The following TMCO5A variants were observed in gnomAD, a reference collection of about 807,000 sequenced individuals.
TMCO5A encodes transmembrane and coiled-coil domain-containing protein 5A.
Under a neutral mutation model 42.3 loss-of-function variants are expected in TMCO5A, and 34 were observed. The observed-to-expected ratio is 0.80, with a 90% CI of 0.61 to 1.07. The LOEUF is 1.07. TMCO5A is among the 50% of genes least tolerant of loss of function. The pLI is 0.00. For missense variants in TMCO5A, 357 were observed against 327.9 expected (o/e 1.09, Z -0.69); for synonymous variants, 131 against 115.6 (o/e 1.13, Z -0.86).
At chr15:38,036,518 A>T in the TMCO5A span, among the ~76,000 whole-genome samples, 1 of 151,292 alleles carries the variant, frequency 6.6e-6, no homozygotes, top group African/African-American at 2.4e-5. Flanking sequence ...ACACACACAC[A>T]CACACACACT....
At chr15:37,966,481 A>G in intron 11 of TMCO5A, 1 of 659,134 alleles carries the variant, frequency 1.5e-6, no homozygotes, top group African/African-American at 1.8e-5. Context: ...AAAACATCTC[A>G]TATACCCCAT....
chr15:37,959,313 C>T (rs982128557), intron 11 of TMCO5A, among the ~76,000 whole-genome samples: 2 of 151,796 alleles, frequency 1.3e-5, no homozygotes, highest in Non-Finnish European at 2.9e-5. Context: ...TCAAACTATT[C>T]CAAAACACAG....
chr15:37,939,283 G>A (rs1889644815), intron 6 of TMCO5A, among the ~76,000 whole-genome samples: 1 of 152,088 alleles, frequency 6.6e-6, no homozygotes, highest in South Asian at 2.1e-4. Flanking sequence ...CCTATCTTCT[G>A]CTGGCCAATT....
chr15:37,956,944 A>G (rs929795849), intron 11 of TMCO5A, among the ~76,000 whole-genome samples: 1 of 152,162 alleles, frequency 6.6e-6, no homozygotes, highest in Non-Finnish European at 1.5e-5. Flanking sequence ...ACGGATGCCA[A>G]TCAATAAACT....
At chr15:38,014,540 A>G in the TMCO5A span, among the ~76,000 whole-genome samples, 1 of 152,074 alleles carries the variant, frequency 6.6e-6, no homozygotes, top group Non-Finnish European at 1.5e-5. Flanking sequence ...AGGTATACCA[A>G]TCTCTCTGTA....
the TMCO5A span, among the ~76,000 whole-genome samples, chr15:38,022,556 G>T: frequency 1.8e-4 from 27 of 152,264 alleles, no homozygotes; most frequent in African/African-American, 6.3e-4. Context: ...TACTCTATAT[G>T]ATACTATAGT....
At chr15:37,972,341 G>C (rs1328077398), downstream of TMCO5A, among the ~76,000 whole-genome samples, 2 of 152,130 alleles carry the variant, frequency 1.3e-5, no homozygotes, top group Non-Finnish European at 2.9e-5. Flanking sequence ...CCCACAACCC[G>C]TGGGAATTCA....
chr15:37,949,578 G>A (rs1890087781), intron 11 of TMCO5A, among the ~76,000 whole-genome samples: 1 of 152,010 alleles, frequency 6.6e-6, no homozygotes, highest in Non-Finnish European at 1.5e-5. Context: ...GTGATTGCAT[G>A]TCAAAGGAAA....
intron 11 of TMCO5A, among the ~76,000 whole-genome samples, chr15:37,958,372 A>G (rs1489296005): frequency 7.1e-6 from 1 of 140,534 alleles, no homozygotes; most frequent in Non-Finnish European, 1.6e-5. Flanking sequence ...AGAATCTACA[A>G]AGAACTTAAA....
chr15:37,965,646 G>A (rs1384269274), intron 11 of TMCO5A, among the ~76,000 whole-genome samples: 2 of 152,082 alleles, frequency 1.3e-5, no homozygotes, highest in Non-Finnish European at 2.9e-5. Context: ...TGGCAAACAG[G>A]CATGTGAAAG....
chr15:37,968,363 C>T (rs1375089684), downstream of TMCO5A, among the ~76,000 whole-genome samples: 3 of 152,164 alleles, frequency 2.0e-5, no homozygotes, highest in Non-Finnish European at 2.9e-5. Flanking sequence ...ACCACCCAAA[C>T]GCAAACAGCT....
chr15:37,989,681 T>C, the TMCO5A span, among the ~76,000 whole-genome samples: 2,886 of 152,180 alleles, frequency 0.019, 88 homozygotes, highest in African/African-American at 0.064. Context: ...TGTGCTGCTA[T>C]AACAGAATAC....
At chr15:38,022,600 C>T in the TMCO5A span, among the ~76,000 whole-genome samples, 1 of 151,992 alleles carries the variant, frequency 6.6e-6, no homozygotes. Context: ...TTGTCCAGAC[C>T]CACAGAATGT....
chr15:37,968,782 C>T (rs1393250040), downstream of TMCO5A, among the ~76,000 whole-genome samples: 1 of 151,962 alleles, frequency 6.6e-6, no homozygotes, highest in East Asian at 1.9e-4. Flanking sequence ...GGGGTTTCAC[C>T]ACATTGGCCA....
the TMCO5A span, among the ~76,000 whole-genome samples, chr15:38,000,944 A>G: frequency 6.6e-6 from 1 of 152,154 alleles, no homozygotes; most frequent in Non-Finnish European, 1.5e-5. Flanking sequence ...AAAATAATCC[A>G]TATGCTGAGT....
the TMCO5A span, among the ~76,000 whole-genome samples, chr15:38,001,991 T>C: frequency 6.6e-6 from 1 of 152,160 alleles, no homozygotes; most frequent in African/African-American, 2.4e-5. Context: ...TGTCTTTCTG[T>C]GTACCCACTA....
At chr15:37,974,186 C>T in the TMCO5A span, among the ~76,000 whole-genome samples, 6 of 152,108 alleles carry the variant, frequency 3.9e-5, no homozygotes, top group African/African-American at 1.4e-4. Context: ...AGGAATTTTG[C>T]ATCTATGTTT....
chr15:37,970,513 C>T (rs1487628775), downstream of TMCO5A, among the ~76,000 whole-genome samples: 1 of 152,190 alleles, frequency 6.6e-6, no homozygotes, highest in Non-Finnish European at 1.5e-5. Context: ...CTTATTTCCT[C>T]ACATTTTAAA....
chr15:37,947,551 TAAAGTTATCTA>T, intron 10 of TMCO5A, 94 bp from the exon 11 acceptor site: 1 of 768,216 alleles, frequency 1.3e-6, no homozygotes, highest in East Asian at 2.7e-5. Flanking sequence ...AAGAATTTGT[TAAAGTTATCTA>T]AATAACATAT....
Sources: allele counts gnomAD v4.1 joint callset (sites outside exome capture counted in the v4.1 genomes callset), GRCh38; gene constraint gnomAD v4.1.1; transcripts MANE v1.5; gene names NCBI Gene and HGNC (gene_info 2026-07-23, HGNC 2026-07-21).